The following NYAP2 variants were observed in gnomAD, a reference collection of about 807,000 sequenced individuals.
NYAP2 encodes the protein neuronal tyrosine-phosphorylated phosphoinositide-3-kinase adapter 2.
Under a neutral mutation model 50.4 loss-of-function variants are expected in NYAP2, and 23 were observed. That is an observed-to-expected ratio of 0.46 (90% CI 0.33 to 0.65). The LOEUF (loss-of-function observed/expected upper bound fraction) is 0.65, where lower values mean the gene tolerates loss of function less well. NYAP2 is among the 30% of genes least tolerant of loss of function. The pLI is 0.02. For synonymous variants in NYAP2, 394 were observed against 365.2 expected (o/e 1.08, Z -0.90); for missense variants, 885 against 861.0 (o/e 1.03, Z -0.35).
At chr2:225,506,650 C>G (rs913206218) in intron 3 of NYAP2, among the ~76,000 whole-genome samples, 1 of 152,150 alleles carries the variant, frequency 6.6e-6, no homozygotes, top group African/African-American at 2.4e-5. Flanking sequence ...GAGAAGGCAA[C>G]AGGGAGGCAG....
chr2:225,520,418 A>G (rs1051354111), intron 4 of NYAP2, among the ~76,000 whole-genome samples: 4 of 152,124 alleles, frequency 2.6e-5, no homozygotes, highest in African/African-American at 9.7e-5. Flanking sequence ...CTAACATTTA[A>G]GTCTTTAATC....
At chr2:225,620,085 T>C (rs771613050) in intron 5 of NYAP2, among the ~76,000 whole-genome samples, 12 of 152,284 alleles carry the variant, frequency 7.9e-5, no homozygotes, top group Non-Finnish European at 1.6e-4. Context: ...TTTACCACAG[T>C]ATGTAAGATT....
intron 5 of NYAP2, among the ~76,000 whole-genome samples, chr2:225,586,794 CTTTA>C (rs991681657): frequency 3.2e-4 from 49 of 152,172 alleles, no homozygotes; most frequent in Middle Eastern, 3.4e-3. Flanking sequence ...AAGTAGAAAA[CTTTA>C]TTTATTCCCT....
chr2:225,453,644 T>TG (rs1380754514), intron 3 of NYAP2, among the ~76,000 whole-genome samples: 4 of 151,408 alleles, frequency 2.6e-5, no homozygotes, highest in Non-Finnish European at 5.9e-5. Context: ...CTATCAAGTT[T>TG]TTTTGTTTGT....
intron 5 of NYAP2, among the ~76,000 whole-genome samples, chr2:225,607,705 A>G (rs935275694): frequency 2.0e-5 from 3 of 152,112 alleles, no homozygotes; most frequent in East Asian, 1.9e-4. Context: ...TTGTTTATCA[A>G]AAGAACCATG....
rs567751996 is a variant in NYAP2 at position 225,628,606 on chromosome 2, A to C, written c.1828+1480A>C. On this transcript the variant is annotated intron_variant, in intron 6 of 6. Coordinates refer to ENST00000636099, the Ensembl canonical transcript of NYAP2. ...CCAAAGTGCTAGGATTACAGGCTTGAGCCACTGTGCCTGGCTCACAAATAG... is the reference window on the plus strand; with the variant it reads ...CCAAAGTGCTAGGATTACAGGCTTGCGCCACTGTGCCTGGCTCACAAATAG... Among the ~76,000 whole-genome samples, 254 of 152,240 alleles carry C rather than the reference A, an allele frequency of 1.7e-3. 3 individuals are homozygous for C. Among genetic ancestry groups the C allele is most frequent in the Non-Finnish European group, 8.2e-4 (56 of 68,026 alleles).
At chr2:225,684,606 C>T in the NYAP2 span, among the ~76,000 whole-genome samples, 1 of 151,782 alleles carries the variant, frequency 6.6e-6, no homozygotes, top group Non-Finnish European at 1.5e-5. Flanking sequence ...GGCTGGAGTG[C>T]AGTGGCATGA....
chr2:225,685,873 T>C, the NYAP2 span, among the ~76,000 whole-genome samples: 1 of 152,332 alleles, frequency 6.6e-6, no homozygotes, highest in South Asian at 2.1e-4. Flanking sequence ...ATTTTAGATA[T>C]TCTTCACAAC....
the NYAP2 span, among the ~76,000 whole-genome samples, chr2:225,695,605 T>C: frequency 6.6e-6 from 1 of 151,838 alleles, no homozygotes; most frequent in Admixed American, 6.6e-5. Flanking sequence ...AAGCCTGTCC[T>C]CTGGGAATTC....
intron 6 of NYAP2, among the ~76,000 whole-genome samples, chr2:225,628,934 A>G (rs938132461): frequency 1.3e-5 from 2 of 152,182 alleles, no homozygotes; most frequent in Non-Finnish European, 2.9e-5. Context: ...ACAGACAAAT[A>G]GACAACTGCA....
At chr2:225,500,031 A>C (rs891854555) in intron 3 of NYAP2, among the ~76,000 whole-genome samples, 38 of 152,248 alleles carry the variant, frequency 2.5e-4, no homozygotes, top group Non-Finnish European at 4.8e-4. Flanking sequence ...GAAGAACAAT[A>C]TATGTATAAA....
chr2:225,474,763 C>T (rs1690075458), intron 3 of NYAP2, among the ~76,000 whole-genome samples: 1 of 152,214 alleles, frequency 6.6e-6, no homozygotes, highest in Non-Finnish European at 1.5e-5. Flanking sequence ...CAAACAAGGA[C>T]AATTTGACTT....
chr2:225,415,605 C>T lies in NYAP2; in HGVS notation c.221+6504C>T, dbSNP rs551277990. ...AGTGCATTTTTGTGAATGATATACC[C>T]GCTCATTGCACCATGAATAGCTATT... On this transcript the variant is annotated intron_variant, in intron 3 of 6. Transcript: ENST00000636099. 6.6e-5 allele frequency among the ~76,000 whole-genome samples: 10 copies of T among 152,154 alleles called. No individual in the cohort carries two copies. The East Asian group carries it at 1.2e-3, about 18-fold the overall frequency.
intron 3 of NYAP2, among the ~76,000 whole-genome samples, chr2:225,506,645 G>C (rs1044056733): frequency 6.6e-6 from 1 of 152,178 alleles, no homozygotes; most frequent in African/African-American, 2.4e-5. Context: ...CTTAAGAGAA[G>C]GCAACAGGGA....
At chr2:225,456,152 T>G (rs745634653) in intron 3 of NYAP2, among the ~76,000 whole-genome samples, 27 of 152,340 alleles carry the variant, frequency 1.8e-4, no homozygotes, top group Admixed American at 3.9e-4. Flanking sequence ...GTCCACTGCT[T>G]AATTAGCAAT....
chr2:225,561,220 C>A (rs575900325), intron 4 of NYAP2, among the ~76,000 whole-genome samples: 59 of 152,040 alleles, frequency 3.9e-4, no homozygotes, highest in South Asian at 8.3e-4. Flanking sequence ...TCATGAGAAA[C>A]CCTCAGTGAT....
chr2:225,582,579 C>G lies in NYAP2; in HGVS notation c.1162C>G (p.Pro388Ala). The G allele has an allele frequency of 6.3e-7, 1 of 1,598,074 alleles. No homozygotes were observed. Among genetic ancestry groups the G allele is most frequent in the Non-Finnish European group, 8.5e-7 (1 of 1,172,788 alleles). ...GCCCTCCACGCTGCCGTCCCACGTC[C>G]CCGGCCATGCGAAACTGGAGAAAGA... Residue 388 changes from proline (P) to alanine (A), a missense_variant, in exon 5 of 7, where the codon CCC becomes GCC. Transcript: ENST00000636099. The surrounding 1 kb of genome is among the most constrained non-coding windows in gnomAD (Gnocchi z 7.0).
chr2:225,571,070 C>A (rs1299579548), intron 4 of NYAP2, among the ~76,000 whole-genome samples: 1 of 152,226 alleles, frequency 6.6e-6, no homozygotes, highest in Non-Finnish European at 1.5e-5. Context: ...TCCTTTGACC[C>A]CTTGTCTCAC....
the NYAP2 span, among the ~76,000 whole-genome samples, chr2:225,692,788 T>C: frequency 6.6e-6 from 1 of 152,002 alleles, no homozygotes; most frequent in African/African-American, 2.4e-5. Context: ...CATGATACCA[T>C]GTTGCTTCCT....
Sources: gnomAD v4.1 joint callset for allele counts (sites outside exome capture counted in the v4.1 genomes callset) on GRCh38, gnomAD v4.1.1 for gene constraint, Gnocchi (gnomAD v3.1) non-coding constraint, MANE v1.5 for transcripts, NCBI Gene and HGNC (gene_info 2026-07-23, HGNC 2026-07-21) for gene names.